TNIK: variants seen among roughly 807,000 people sequenced by gnomAD.
The protein encoded by TNIK is TRAF2 and NCK-interacting protein kinase.
A neutral mutation model predicts 191.3 loss-of-function variants in TNIK; 49 were observed. The observed-to-expected ratio is 0.26, with a 90% CI of 0.20 to 0.32. The LOEUF is 0.32. Among genes scored for constraint, TNIK ranks in the 10% least tolerant of loss-of-function variants. The pLI is 1.00. For synonymous variants in TNIK, 594 were observed against 600.9 expected (o/e 0.99, Z 0.17); for missense variants, 1,155 against 1,702.3 (o/e 0.68, Z 5.66).
Position 171,140,415 on chromosome 3 carries a change from C to G in TNIK, c.1316G>C (p.Arg439Pro), listed in dbSNP as rs760573200. 6.2e-7 allele frequency: 1 copy of G among 1,601,048 alleles called. No homozygotes were observed. Among genetic ancestry groups the G allele is most frequent in the East Asian group, 2.2e-5 (1 of 44,462 alleles). Residue 439 changes from arginine to proline, a missense_variant, in exon 13 of 33, where the codon CGT becomes CCT. Physicochemically the swap from Arg to Pro is moderately radical, Grantham distance 103. Around this residue, in one of 3 missense-constraint regions of TNIK, gnomAD observed 735 missense variants for 848.0 expected, o/e 0.87. Transcript: ENST00000436636. The stretch of plus-strand genomic sequence containing the variant: ...CAGCTGTACCTGTTCATGCTCCGCA[C>G]GCCTCCTCTCCTCCTCCCGGCGCAT... ...EQMRREEERR[R>P]AEHEQEYIRR...
At chr3:171,229,829 A>G (rs1406324697) in intron 2 of TNIK, among the ~76,000 whole-genome samples, 1 of 152,118 alleles carries the variant, frequency 6.6e-6, no homozygotes, top group African/African-American at 2.4e-5. Context: ...GTAATCCAAT[A>G]TGGTCACAGA....
At chr3:171,071,600 G>T (rs1424677363) in intron 28 of TNIK, among the ~76,000 whole-genome samples, 1 of 152,020 alleles carries the variant, frequency 6.6e-6, no homozygotes, top group African/African-American at 2.4e-5. Context: ...TTTAACACTA[G>T]GTCTTGATGT....
chr3:171,234,424 G>T (rs1744022932), intron 2 of TNIK, among the ~76,000 whole-genome samples: 1 of 152,190 alleles, frequency 6.6e-6, no homozygotes, highest in South Asian at 2.1e-4. Flanking sequence ...TGTGGCAGAG[G>T]TAAAGCAAGG....
intron 3 of TNIK, among the ~76,000 whole-genome samples, chr3:171,218,363 C>A (rs1193518073): frequency 6.6e-6 from 1 of 152,000 alleles, no homozygotes; most frequent in Non-Finnish European, 1.5e-5. Context: ...CCAAGAAAAC[C>A]ACGAATTAAC....
intron 1 of TNIK, among the ~76,000 whole-genome samples, chr3:171,391,756 C>G (rs1376125100): frequency 6.6e-6 from 1 of 152,074 alleles, no homozygotes; most frequent in Admixed American, 6.6e-5. Context: ...GTTAATCTGT[C>G]TTTTTTCAGT....
At chr3:171,088,882 C>G (rs1191330115) in intron 23 of TNIK, among the ~76,000 whole-genome samples, 1 of 152,184 alleles carries the variant, frequency 6.6e-6, no homozygotes, top group Non-Finnish European at 1.5e-5. Flanking sequence ...CATTCATCAA[C>G]ACAGTATTTT....
At chr3:171,142,607 G>T (rs1438054471) in intron 12 of TNIK, among the ~76,000 whole-genome samples, 1 of 152,214 alleles carries the variant, frequency 6.6e-6, no homozygotes, top group African/African-American at 2.4e-5. Flanking sequence ...AGTAGGAGTG[G>T]GGTGGGTACC....
chr3:171,437,741 G>A (rs1376227528), intron 1 of TNIK, among the ~76,000 whole-genome samples: 1 of 152,186 alleles, frequency 6.6e-6, no homozygotes, highest in East Asian at 1.9e-4. Flanking sequence ...TGTCACCCAT[G>A]CCAAGGCCAT....
chr3:171,247,875 A>G (rs1745778720), intron 2 of TNIK, among the ~76,000 whole-genome samples: 1 of 149,436 alleles, frequency 6.7e-6, no homozygotes, highest in East Asian at 2.0e-4. Flanking sequence ...ATCAGTTTGT[A>G]TAGAGTGAAG....
At position 171,097,950 on chromosome 3, in the gene TNIK, T is replaced by C. The variant is rs150735989; in HGVS notation, c.2591+3499A>G. 2.3e-3 allele frequency among the ~76,000 whole-genome samples: 356 copies of C among 152,170 alleles called. 1 individual carries two copies. Among genetic ancestry groups the C allele is most frequent in the African/African-American group, 8.1e-3 (335 of 41,476 alleles). ...AGCAACAAAATAAAGATTATATCCA[T>C]GAATCTATACTGATATAAATGATGG... On this transcript the variant is annotated intron_variant, in intron 22 of 32. Coordinates refer to ENST00000436636, the MANE Select transcript of TNIK (RefSeq NM_015028.4).
chr3:171,343,212 C>T (rs907438395), intron 2 of TNIK, among the ~76,000 whole-genome samples: 2 of 152,044 alleles, frequency 1.3e-5, no homozygotes, highest in South Asian at 2.1e-4. Context: ...AGGGGTGAGC[C>T]GTTTACAGTA....
At position 171,059,009 on chromosome 3, in the gene TNIK, G is replaced by T. The variant is rs1011242406; in HGVS notation, c.*4872C>A. ...AGAGATAAGGGAAAGGGGTAGCTGG[G>T]CATGATATTTACAGTGTACAAATAA... On this transcript the variant is annotated 3_prime_UTR_variant, in exon 33 of 33. Transcript: ENST00000436636. Among the ~76,000 whole-genome samples, 2 of 152,100 alleles carry T rather than the reference G, an allele frequency of 1.3e-5. No homozygotes were observed. Among genetic ancestry groups the T allele is most frequent in the African/African-American group, 4.8e-5 (2 of 41,416 alleles).
At chr3:171,417,425 T>C (rs1051130734) in intron 1 of TNIK, among the ~76,000 whole-genome samples, 1 of 152,336 alleles carries the variant, frequency 6.6e-6, no homozygotes, top group African/African-American at 2.4e-5. Context: ...TCCCCATTCA[T>C]ACTAAATGCA....
chr3:171,410,965 C>T (rs1471734149), intron 1 of TNIK, among the ~76,000 whole-genome samples: 1 of 152,066 alleles, frequency 6.6e-6, no homozygotes, highest in Non-Finnish European at 1.5e-5. Flanking sequence ...CTCAGATTGC[C>T]TTGCATGGTC....
intron 1 of TNIK, among the ~76,000 whole-genome samples, chr3:171,416,703 C>T (rs115242175): frequency 3.7e-4 from 57 of 152,258 alleles, no homozygotes; most frequent in African/African-American, 1.3e-3. Flanking sequence ...ATCCTGAATT[C>T]AGCAGGGCTT....
At chr3:171,423,993 T>C (rs1560055025) in intron 1 of TNIK, among the ~76,000 whole-genome samples, 1 of 152,108 alleles carries the variant, frequency 6.6e-6, no homozygotes, top group Non-Finnish European at 1.5e-5. Context: ...GGGATCTAAT[T>C]AAACTAAAGA....
chr3:171,414,299 A>C (rs1330628230), intron 1 of TNIK, among the ~76,000 whole-genome samples: 1 of 152,248 alleles, frequency 6.6e-6, no homozygotes, highest in East Asian at 1.9e-4. Context: ...GGTTTGAAGA[A>C]TAGCTGAGTA....
chr3:171,146,446 C>T (rs1486195231), intron 12 of TNIK, among the ~76,000 whole-genome samples: 1 of 152,034 alleles, frequency 6.6e-6, no homozygotes, highest in Non-Finnish European at 1.5e-5. Flanking sequence ...GAATTAATAT[C>T]CTATAGCTGC....
At chr3:171,139,370 GCACGCGCGCACACACACACACACA>G (rs371851610) in intron 14 of TNIK, 76 bp downstream of exon 14, 86,275 of 901,792 alleles carry the variant, frequency 0.096, 2,409 homozygotes, top group Middle Eastern at 0.16. Context: ...AAGGACACAC[GCACGCGCGCACACACACACACACA>G]CACACACACA....
Sources: allele counts gnomAD v4.1 joint callset (sites outside exome capture counted in the v4.1 genomes callset), GRCh38; gene constraint gnomAD v4.1.1; regional missense constraint gnomAD v4.1.1; transcripts MANE v1.5; gene names NCBI Gene and HGNC (gene_info 2026-07-23, HGNC 2026-07-21).